The following CTNNA3 variants were observed in gnomAD, a reference collection of about 807,000 sequenced individuals.
The protein encoded by CTNNA3 is catenin alpha-3.
CTNNA3 carries 76 observed loss-of-function variants against 95.7 expected under a neutral mutation model. That is an observed-to-expected ratio of 0.79 (90% CI 0.66 to 0.96). The LOEUF (loss-of-function observed/expected upper bound fraction) is 0.96. CTNNA3 is among the 40% of genes least tolerant of loss of function. CTNNA3 has a pLI of 0.00. For missense variants in CTNNA3, 1,191 were observed against 1,089.8 expected, an observed-to-expected ratio of 1.09 and a Z score of -1.31; for synonymous variants, 431 against 374.4, an observed-to-expected ratio of 1.15 and a Z score of -1.74.
chr10:65,920,869 T>C (rs1273236672), intron 17 of CTNNA3, among the ~76,000 whole-genome samples: 2 of 152,108 alleles, frequency 1.3e-5, no homozygotes, highest in South Asian at 2.1e-4. Flanking sequence ...AGCCTGATAG[T>C]CTATTAATGT....
At chr10:66,256,474 C>T (rs1042304993) in intron 13 of CTNNA3, among the ~76,000 whole-genome samples, 3 of 151,854 alleles carry the variant, frequency 2.0e-5, no homozygotes, top group African/African-American at 7.3e-5. Context: ...AATCCCAGCA[C>T]TTTGGGAGGC....
At chr10:67,422,716 T>A (rs1845789836) in intron 5 of CTNNA3, among the ~76,000 whole-genome samples, 1 of 152,126 alleles carries the variant, frequency 6.6e-6, no homozygotes, top group Non-Finnish European at 1.5e-5. Context: ...TGGTAAGATG[T>A]GCTTGCTTCC....
intron 14 of CTNNA3, among the ~76,000 whole-genome samples, chr10:66,075,070 C>T (rs562081381): frequency 3.6e-4 from 54 of 151,860 alleles, no homozygotes; most frequent in African/African-American, 1.3e-3. Context: ...ATGCACTTTT[C>T]CTAGTATTTT....
intron 13 of CTNNA3, among the ~76,000 whole-genome samples, chr10:66,278,224 A>G (rs1173161548): frequency 6.7e-6 from 1 of 149,972 alleles, no homozygotes; most frequent in Non-Finnish European, 1.5e-5. Context: ...CCTCTATCCA[A>G]TAAATATAAT....
intron 13 of CTNNA3, among the ~76,000 whole-genome samples, chr10:66,120,308 A>G (rs957312706): frequency 6.6e-6 from 1 of 152,174 alleles, no homozygotes; most frequent in African/African-American, 2.4e-5. Flanking sequence ...TAAAGTACTG[A>G]ATATAGTGCC....
At chr10:66,372,526 C>A (rs995156341) in intron 12 of CTNNA3, among the ~76,000 whole-genome samples, 1 of 152,134 alleles carries the variant, frequency 6.6e-6, no homozygotes, top group Non-Finnish European at 1.5e-5. Context: ...TCAGCCCATG[C>A]CAATTCATCT....
chr10:67,070,581 T>C (rs1856386912), intron 7 of CTNNA3, among the ~76,000 whole-genome samples: 1 of 152,036 alleles, frequency 6.6e-6, no homozygotes, highest in Non-Finnish European at 1.5e-5. Flanking sequence ...ACCCCATCTC[T>C]AGTAAAATAC....
chr10:67,081,834 A>G (rs1000252335), intron 7 of CTNNA3, among the ~76,000 whole-genome samples: 3 of 152,182 alleles, frequency 2.0e-5, no homozygotes, highest in Admixed American at 1.3e-4. Context: ...ATCCTAGCCC[A>G]GCAGAGGTGA....
intron 1 of CTNNA3, among the ~76,000 whole-genome samples, chr10:67,708,852 A>T (rs1265793896): frequency 6.6e-6 from 1 of 152,092 alleles, no homozygotes; most frequent in Non-Finnish European, 1.5e-5. Context: ...AACCCATCAG[A>T]ACTTATACTC....
chr10:65,984,710 C>T (rs1029736442), intron 16 of CTNNA3, among the ~76,000 whole-genome samples: 1 of 151,136 alleles, frequency 6.6e-6, no homozygotes, highest in Non-Finnish European at 1.5e-5. Flanking sequence ...CAATGTGACA[C>T]AATTATGTCA....
chr10:66,486,540 T>C (rs534490489), intron 11 of CTNNA3, among the ~76,000 whole-genome samples: 1 of 152,120 alleles, frequency 6.6e-6, no homozygotes, highest in South Asian at 2.1e-4. Flanking sequence ...AGACAAGAGA[T>C]AAGAAGTATG....
chr10:66,422,115 T>C (rs1228134268), intron 11 of CTNNA3, among the ~76,000 whole-genome samples: 2 of 151,868 alleles, frequency 1.3e-5, no homozygotes, highest in Non-Finnish European at 2.9e-5. Flanking sequence ...AACGGATCCT[T>C]AGAAGTAAAC....
intron 9 of CTNNA3, among the ~76,000 whole-genome samples, chr10:66,695,919 G>GGT (rs1554837127): frequency 3.5e-5 from 5 of 142,090 alleles, no homozygotes; most frequent in Non-Finnish European, 7.7e-5. Flanking sequence ...AGACGTAAGG[G>GGT]GGGGGGGCAA....
chr10:67,054,640 A>G (rs1461429657), intron 7 of CTNNA3: 1 of 152,152 alleles, frequency 6.6e-6, no homozygotes, highest in African/African-American at 2.4e-5. Flanking sequence ...AGTATTTCCA[A>G]TGGCGGGAGA....
At chr10:67,098,039 TAAAAG>T in intron 7 of CTNNA3, 1 of 495,756 alleles carries the variant, frequency 2.0e-6, no homozygotes, top group East Asian at 3.4e-5. Context: ...CCCTGAAAAA[TAAAAG>T]AATCTTTTTT....
chr10:67,440,595 T>C (rs1199736787), intron 5 of CTNNA3, among the ~76,000 whole-genome samples: 5 of 151,952 alleles, frequency 3.3e-5, no homozygotes, highest in Non-Finnish European at 7.4e-5. Context: ...ACAGGGGGGA[T>C]TGTGTTACCC....
rs756513160 is a variant in CTNNA3 at position 66,927,375 on chromosome 10, T to C, written c.1048-151851A>G. ...TGCATTCTCTGGGATCTGAACAGTT[T>C]CGGGGCTTGCGGAAGCTGCTGAGTT... On this transcript the variant is annotated intron_variant, in intron 7 of 17. Coordinates refer to ENST00000433211, the MANE Select transcript of CTNNA3 (RefSeq NM_013266.4). This position sits in a 1 kb window ranked among gnomAD's most constrained non-coding sequence, Gnocchi z 4.7. 56 of 1,614,204 alleles carry C rather than the reference T, an allele frequency of 3.5e-5. No homozygotes were observed. Among genetic ancestry groups the C allele is most frequent in the Non-Finnish European group, 4.7e-5 (56 of 1,180,036 alleles).
chr10:66,079,629 C>T lies in CTNNA3; in HGVS notation c.1978-10140G>A, dbSNP rs894011735. Among the ~76,000 whole-genome samples, 12 of 151,834 alleles carry T rather than the reference C, an allele frequency of 7.9e-5. No homozygotes were observed. The South Asian group carries it at 2.5e-3, about 32-fold the overall frequency. ...AACAACAATTTTCTTGATAAAATAA[C>T]AATTTGAGGAATATTGTATAGAATT... On this transcript the variant is annotated intron_variant, in intron 14 of 17. Transcript: ENST00000433211.
intron 11 of CTNNA3, among the ~76,000 whole-genome samples, chr10:66,403,704 T>C (rs2093036842): frequency 6.6e-6 from 1 of 152,072 alleles, no homozygotes; most frequent in African/African-American, 2.4e-5. Flanking sequence ...AAAACGGTAT[T>C]TGCAAGACAG....
Sources: gnomAD v4.1 joint callset for allele counts (sites outside exome capture counted in the v4.1 genomes callset) on GRCh38, gnomAD v4.1.1 for gene constraint, Gnocchi (gnomAD v3.1) non-coding constraint, MANE v1.5 for transcripts, NCBI Gene and HGNC (gene_info 2026-07-23, HGNC 2026-07-21) for gene names.